The following RTN4RL1 variants were observed in gnomAD, a reference collection of about 807,000 sequenced individuals.
RTN4RL1 encodes the protein reticulon-4 receptor-like 1.
RTN4RL1 carries 7 observed loss-of-function variants against 25.6 expected under a neutral mutation model. The observed-to-expected ratio is 0.27, with a 90% CI of 0.16 to 0.51. The LOEUF (loss-of-function observed/expected upper bound fraction) is 0.51, where lower values mean the gene tolerates loss of function less well. Ranked by LOEUF, RTN4RL1 falls within the 20% of genes least tolerant of loss-of-function variation. RTN4RL1 has a pLI of 0.97. For synonymous variants in RTN4RL1, 297 were observed against 288.2 expected (o/e 1.03, Z -0.31); for missense variants, 500 against 615.6 (o/e 0.81, Z 1.99).
chr17:1,974,117 A>AAACTGTTT (rs2066832503), intron 1 of RTN4RL1, among the ~76,000 whole-genome samples: 1 of 151,470 alleles, frequency 6.6e-6, no homozygotes, highest in African/African-American at 2.4e-5. Context: ...CCACACATGG[A>AAACTGTTT]AACTGTTTAA....
In RTN4RL1 at chr17:2,024,941, G is replaced by A. The variant is rs2067253338; in HGVS notation, c.-76C>T. On this transcript the variant is annotated 5_prime_UTR_variant, in exon 1 of 2. Coordinates refer to ENST00000331238, the MANE Select transcript of RTN4RL1 (RefSeq NM_178568.4). ...GGGGTCCAGATTCAAATCCCTGGGC[G>A]CCAGCTGCAGCTAATCCGAGCGCGT... 2.8e-6 allele frequency: 4 copies of A among 1,453,726 alleles called. No individual in the cohort carries two copies. Among genetic ancestry groups the A allele is most frequent in the Non-Finnish European group, 1.9e-6 (2 of 1,069,550 alleles). 90.1% of individuals were successfully genotyped at this position (1,453,726 alleles called of 1,614,324 possible).
chr17:1,942,410 C>A (rs1915458481), intron 1 of RTN4RL1, among the ~76,000 whole-genome samples: 1 of 151,982 alleles, frequency 6.6e-6, no homozygotes, highest in Non-Finnish European at 1.5e-5. Context: ...GATGGGGGGG[C>A]TCACTAGGAG....
In RTN4RL1 at chr17:1,991,499, A is replaced by G. The variant is rs546769166; in HGVS notation, c.13+33354T>C. 2.6e-3 allele frequency among the ~76,000 whole-genome samples: 401 copies of G among 151,402 alleles called. 1 individual carries two copies. Among genetic ancestry groups the G allele is most frequent in the Non-Finnish European group, 4.8e-3 (325 of 67,896 alleles). On this transcript the variant is annotated intron_variant, in intron 1 of 1. Transcript: ENST00000331238. ...CTTCAAAGAACACAAAAGGGTATACAATAAAAAGTAAGTCTCCTTTCCTCT... is the reference window on the plus strand; with the variant it reads ...CTTCAAAGAACACAAAAGGGTATACGATAAAAAGTAAGTCTCCTTTCCTCT...
At chr17:1,976,390 G>A (rs370599036) in intron 1 of RTN4RL1, among the ~76,000 whole-genome samples, 3 of 152,352 alleles carry the variant, frequency 2.0e-5, no homozygotes, top group East Asian at 3.9e-4. Context: ...GATTCCCTGT[G>A]AGAAGTCTCA....
chr17:2,005,725 ATCTCTCTCTCTCTT>A (rs2066988509), intron 1 of RTN4RL1, among the ~76,000 whole-genome samples: 1 of 116,624 alleles, frequency 8.6e-6, no homozygotes, highest in East Asian at 2.3e-4. Context: ...GAGCAAGACC[ATCTCTCTCTCTCTT>A]TCTCTCTCTC....
At chr17:1,990,105 G>A (rs1179802790) in intron 1 of RTN4RL1, among the ~76,000 whole-genome samples, 2 of 151,982 alleles carry the variant, frequency 1.3e-5, no homozygotes, top group East Asian at 1.9e-4. Context: ...TATCAAGGAT[G>A]CATAGAATAT....
intron 1 of RTN4RL1, among the ~76,000 whole-genome samples, chr17:1,976,510 ACATCCTGGCCCTGC>A: frequency 6.6e-6 from 1 of 152,254 alleles, no homozygotes; most frequent in African/African-American, 2.4e-5. Flanking sequence ...AACGGGACCC[ACATCCTGGCCCTGC>A]CACTCAGCAG....
intron 1 of RTN4RL1, among the ~76,000 whole-genome samples, chr17:2,004,393 CA>C (rs1158525577): frequency 7.4e-6 from 1 of 134,942 alleles, no homozygotes; most frequent in Non-Finnish European, 1.6e-5. Flanking sequence ...AAAAAAAAAG[CA>C]AAAAACAAAA....
At chr17:2,008,618 T>C (rs1341067114) in intron 1 of RTN4RL1, among the ~76,000 whole-genome samples, 1 of 152,064 alleles carries the variant, frequency 6.6e-6, no homozygotes, top group African/African-American at 2.4e-5. Context: ...GGCTGTTGAG[T>C]CAACCAACCT....
intron 1 of RTN4RL1, among the ~76,000 whole-genome samples, chr17:1,981,164 A>G (rs566280483): frequency 6.6e-6 from 1 of 151,518 alleles, no homozygotes; most frequent in Non-Finnish European, 1.5e-5. Flanking sequence ...AGGGAGGATC[A>G]CTTGAGCCCA....
chr17:2,012,342 G>T (rs1230757576), intron 1 of RTN4RL1, among the ~76,000 whole-genome samples: 1 of 152,236 alleles, frequency 6.6e-6, no homozygotes, highest in African/African-American at 2.4e-5. Flanking sequence ...GAGCCACAAG[G>T]AACACAGCTG....
intron 1 of RTN4RL1, among the ~76,000 whole-genome samples, chr17:2,007,353 C>CACACAA (rs1186433222): frequency 7.3e-5 from 11 of 151,502 alleles, no homozygotes; most frequent in Non-Finnish European, 1.5e-4. Context: ...CACACACACA[C>CACACAA]ACACACACAC....
intron 1 of RTN4RL1, among the ~76,000 whole-genome samples, chr17:1,942,760 C>T (rs1207589753): frequency 2.0e-5 from 3 of 152,102 alleles, no homozygotes; most frequent in Non-Finnish European, 2.9e-5. Context: ...AGCCACCCTA[C>T]CCGGTCCGCT....
At chr17:1,955,742 C>G (rs893906450) in intron 1 of RTN4RL1, among the ~76,000 whole-genome samples, 3 of 151,746 alleles carry the variant, frequency 2.0e-5, no homozygotes, top group Non-Finnish European at 4.4e-5. Flanking sequence ...CACCACCATG[C>G]CCGGCGAATT....
chr17:2,008,809 C>T (rs1433485553), intron 1 of RTN4RL1, among the ~76,000 whole-genome samples: 1 of 152,042 alleles, frequency 6.6e-6, no homozygotes, highest in African/African-American at 2.4e-5. Context: ...ACAAAGCCTC[C>T]CAGGTGCACC....
intron 1 of RTN4RL1, among the ~76,000 whole-genome samples, chr17:2,004,940 C>T (rs576273434): frequency 6.0e-4 from 91 of 152,356 alleles, no homozygotes; most frequent in African/African-American, 2.1e-3. Context: ...GTAGGAATGG[C>T]GGCGTTCATT....
intron 1 of RTN4RL1, among the ~76,000 whole-genome samples, chr17:1,981,934 T>C (rs2066868911): frequency 6.6e-6 from 1 of 152,260 alleles, no homozygotes; most frequent in African/African-American, 2.4e-5. Context: ...CCACTGCTCC[T>C]AGGCTACAAA....
At chr17:2,011,482 G>T (rs914469093) in intron 1 of RTN4RL1, among the ~76,000 whole-genome samples, 5 of 152,160 alleles carry the variant, frequency 3.3e-5, no homozygotes, top group African/African-American at 1.2e-4. Context: ...GGGAGGGGAA[G>T]ATGAAAGGCC....
chr17:2,023,670 CACCTCCCCA>C (rs2067239042), intron 1 of RTN4RL1: 1 of 145,138 alleles, frequency 6.9e-6, no homozygotes. Context: ...CGCTTCCCCC[CACCTCCCCA>C]ACCTCCCCCC....
Sources: allele counts gnomAD v4.1 joint callset (sites outside exome capture counted in the v4.1 genomes callset), GRCh38; gene constraint gnomAD v4.1.1; transcripts MANE v1.5; gene names NCBI Gene and HGNC (gene_info 2026-07-23, HGNC 2026-07-21).